Variants in SLC4A10 observed in about 807,000 individuals in gnomAD.
SLC4A10 encodes the protein solute carrier family 4 member 10.
A neutral mutation model predicts 137.7 loss-of-function variants in SLC4A10; 42 were observed. That is an observed-to-expected ratio of 0.30 (90% confidence interval 0.24 to 0.39). The LOEUF is 0.39. Ranked by LOEUF, SLC4A10 falls within the 10% of genes least tolerant of loss-of-function variation. The pLI is 1.00. For missense variants in SLC4A10, 925 were observed against 1,355.0 expected (o/e 0.68, Z 4.98); for synonymous variants, 474 against 464.1 (o/e 1.02, Z -0.27).
At chr2:161,961,421 C>T (rs889058393) in intron 21 of SLC4A10, among the ~76,000 whole-genome samples, 2 of 152,084 alleles carry the variant, frequency 1.3e-5, no homozygotes, top group South Asian at 4.1e-4. Context: ...TTTAATTTTA[C>T]TCAAATTAGA....
At chr2:161,827,213 T>C (rs1043883601) in intron 3 of SLC4A10, among the ~76,000 whole-genome samples, 4 of 152,234 alleles carry the variant, frequency 2.6e-5, no homozygotes, top group Non-Finnish European at 1.5e-5. Flanking sequence ...GACTTTCATT[T>C]TGAGTCATCA....
chr2:161,646,376 C>T (rs1406268063), intron 1 of SLC4A10, among the ~76,000 whole-genome samples: 1 of 151,772 alleles, frequency 6.6e-6, no homozygotes, highest in Non-Finnish European at 1.5e-5. Context: ...GCCTTTAAAC[C>T]AAATGTAAAG....
intron 6 of SLC4A10, among the ~76,000 whole-genome samples, chr2:161,864,119 G>A (rs1190990515): frequency 1.3e-5 from 2 of 152,010 alleles, no homozygotes; most frequent in African/African-American, 4.8e-5. Context: ...GGAGAATGGT[G>A]TGAACCTGGG....
At chr2:161,682,456 C>A (rs999777693) in intron 1 of SLC4A10, among the ~76,000 whole-genome samples, 4 of 152,014 alleles carry the variant, frequency 2.6e-5, no homozygotes, top group Non-Finnish European at 1.5e-5. Context: ...AATGGTAAGG[C>A]AAATGAATTC....
At chr2:161,888,287 G>T (rs1413126884) in intron 10 of SLC4A10, among the ~76,000 whole-genome samples, 2 of 152,112 alleles carry the variant, frequency 1.3e-5, no homozygotes, top group East Asian at 1.9e-4. Context: ...TCTATTTTTG[G>T]TTCCATATGA....
intron 1 of SLC4A10, among the ~76,000 whole-genome samples, chr2:161,688,949 T>C (rs893532252): frequency 1.3e-5 from 2 of 152,142 alleles, no homozygotes; most frequent in African/African-American, 4.8e-5. Context: ...TAGGCTAATG[T>C]GTGTGTTTGT....
intron 11 of SLC4A10, among the ~76,000 whole-genome samples, chr2:161,896,357 A>T (rs1345554667): frequency 6.6e-6 from 1 of 151,952 alleles, no homozygotes; most frequent in Admixed American, 6.6e-5. Context: ...TGATGCCTCC[A>T]GCTTTGTTCT....
intron 1 of SLC4A10, among the ~76,000 whole-genome samples, chr2:161,761,675 A>G (rs1383130761): frequency 6.6e-6 from 1 of 152,150 alleles, no homozygotes; most frequent in East Asian, 1.9e-4. Flanking sequence ...TCCTTTAACT[A>G]GTAGATGTTA....
At position 161,917,723 on chromosome 2, in the gene SLC4A10, C is replaced by T. The variant is rs887421060; in HGVS notation, c.1997+11836C>T. ...CACAAACTATTGTGCTGGTGTGTAGCGGTATTTTTATTTATCAATCTAATT... is the reference window on the plus strand; with the variant it reads ...CACAAACTATTGTGCTGGTGTGTAGTGGTATTTTTATTTATCAATCTAATT... On this transcript the variant is annotated intron_variant, in intron 15 of 26. Transcript: ENST00000446997. Among the ~76,000 whole-genome samples the T allele has an allele frequency of 7.9e-5, 12 of 152,180 alleles. 1 individual carries two copies. In the South Asian group the frequency reaches 8.3e-4, roughly 11 times the overall value.
At position 161,779,963 on chromosome 2, in the gene SLC4A10, G is replaced by A. The variant is rs1014498276; in HGVS notation, c.130+8909G>A. Among the ~76,000 whole-genome samples, 4 of 152,002 alleles carry A rather than the reference G, an allele frequency of 2.6e-5. No homozygotes were observed. The South Asian group carries it at 8.3e-4, about 31-fold the overall frequency. ...TGCACTACAATGGTAGAGTTGAGTA[G>A]TTGTGACAAAGAATATATGTGGCTC... On this transcript the variant is annotated intron_variant, in intron 2 of 26. Coordinates refer to ENST00000446997, the MANE Select transcript of SLC4A10 (RefSeq NM_001178015.2).
chr2:161,832,086 T>G (rs2058469790), intron 3 of SLC4A10, among the ~76,000 whole-genome samples: 1 of 152,158 alleles, frequency 6.6e-6, no homozygotes, highest in South Asian at 2.1e-4. Flanking sequence ...GGGGCAACAA[T>G]CAGTGAGGAT....
At chr2:161,862,200 G>C (rs1488239708) in intron 5 of SLC4A10, among the ~76,000 whole-genome samples, 1 of 152,050 alleles carries the variant, frequency 6.6e-6, no homozygotes, top group Non-Finnish European at 1.5e-5. Flanking sequence ...TGTTTTGCAG[G>C]TATAGAATAT....
chr2:161,892,583 T>C (rs1419960938), intron 10 of SLC4A10, among the ~76,000 whole-genome samples: 5 of 152,078 alleles, frequency 3.3e-5, no homozygotes, highest in South Asian at 2.1e-4. Flanking sequence ...TACTTAGCAG[T>C]TTGTATTGAG....
At chr2:161,869,510 GT>G in intron 6 of SLC4A10, among the ~76,000 whole-genome samples, 1 of 151,328 alleles carries the variant, frequency 6.6e-6, no homozygotes, top group Admixed American at 6.6e-5. Flanking sequence ...TTGAATATTG[GT>G]TTTATATATA....
Position 161,949,198 on chromosome 2 carries a change from G to A in SLC4A10, c.2316G>A (p.Met772Ile), listed in dbSNP as rs1336754143. The change falls in exon 18 of 27, where the codon ATG becomes ATA. Residue 772 changes from methionine to isoleucine, a missense_variant. Physicochemically the swap from Met to Ile is conservative, Grantham distance 10. Transcript: ENST00000446997. ...CTGTCTTTCTTACAATTCTGTGTATGGTTTTAATTGACTATGCCATTGGGA... is the reference window on the plus strand; with the variant it reads ...CTGTCTTTCTTACAATTCTGTGTATAGTTTTAATTGACTATGCCATTGGGA... The part of the protein sequence containing the change: ...DFAVFLTILC[M>I]VLIDYAIGIP... 2.5e-6 allele frequency: 4 copies of A among 1,610,612 alleles called. No homozygotes were observed. The highest frequency in any genetic ancestry group is 1.7e-5 in the Admixed American group (1 of 59,762).
intron 1 of SLC4A10, among the ~76,000 whole-genome samples, chr2:161,693,133 C>T (rs1375122299): frequency 6.6e-6 from 1 of 151,972 alleles, no homozygotes; most frequent in Non-Finnish European, 1.5e-5. Context: ...ATGATTTTTA[C>T]ACCTTAGATG....
intron 4 of SLC4A10, among the ~76,000 whole-genome samples, chr2:161,847,415 TA>T (rs2059573918): frequency 1.3e-5 from 2 of 151,966 alleles, no homozygotes; most frequent in Non-Finnish European, 2.9e-5. Flanking sequence ...AATTGTGTGT[TA>T]CAGGTTTGGT....
chr2:161,845,495 A>G (rs2059434019), intron 4 of SLC4A10, among the ~76,000 whole-genome samples: 1 of 152,108 alleles, frequency 6.6e-6, no homozygotes, highest in Non-Finnish European at 1.5e-5. Flanking sequence ...TAACTAACAA[A>G]CTGTTTGGAA....
rs778663790 is a variant in SLC4A10, at chr2:161,839,830, G to T, written c.319G>T (p.Asp107Tyr). 1 of 1,613,898 alleles carries T rather than the reference G, an allele frequency of 6.2e-7. No individual in the cohort carries two copies. The highest frequency in any genetic ancestry group is 8.5e-7 in the Non-Finnish European group (1 of 1,179,860). Reference protein sequence around the residue: ...QRVQFILGTEDDDEEHIPHDL... With the variant: ...QRVQFILGTEYDDEEHIPHDL... Reference sequence around the variant, plus strand: ...GGTACAGTTTATTCTTGGAACCGAGGATGATGACGAGGAACACATTCCTCA... The same window carrying T: ...GGTACAGTTTATTCTTGGAACCGAGTATGATGACGAGGAACACATTCCTCA... Residue 107 changes from aspartate to tyrosine, a missense_variant, in exon 4 of 27, where the codon GAT becomes TAT. Physicochemically the swap from Asp to Tyr is radical, Grantham distance 160 (BLOSUM62 -3). Transcript: ENST00000446997.
Sources: allele counts gnomAD v4.1 joint callset (sites outside exome capture counted in the v4.1 genomes callset), GRCh38; gene constraint gnomAD v4.1.1; transcripts MANE v1.5; gene names NCBI Gene and HGNC (gene_info 2026-07-23, HGNC 2026-07-21).